The following ACKR3 variants were observed in gnomAD, a reference collection of about 807,000 sequenced individuals.
ACKR3 encodes the protein C-X-C chemokine receptor type 7.
A neutral mutation model predicts 22.4 loss-of-function variants in ACKR3; 6 were observed. The ratio of observed to expected loss-of-function variants is 0.27; its 90% CI spans 0.15 to 0.53. The LOEUF is 0.53. ACKR3 is among the 20% of genes least tolerant of loss of function. The pLI is 0.96. For synonymous variants in ACKR3, 209 were observed against 205.2 expected (o/e 1.02, Z -0.16); for missense variants, 396 against 475.2 (o/e 0.83, Z 1.55).
At chr2:236,544,190 A>T in the ACKR3 span, among the ~76,000 whole-genome samples, 1 of 151,518 alleles carries the variant, frequency 6.6e-6, no homozygotes, top group Non-Finnish European at 1.5e-5. This position sits in a 1 kb window ranked among gnomAD's most constrained non-coding sequence, Gnocchi z 5.0. Flanking sequence ...GGGTTTCACC[A>T]TATTGGCAAG....
intron 1 of ACKR3, among the ~76,000 whole-genome samples, chr2:236,575,254 T>C (rs543220652): frequency 1.3e-5 from 2 of 152,304 alleles, no homozygotes; most frequent in Admixed American, 1.3e-4. Flanking sequence ...TTTTGTTCCC[T>C]CCTCCTACCT....
At chr2:236,559,754 G>A in the ACKR3 span, among the ~76,000 whole-genome samples, 2 of 152,124 alleles carry the variant, frequency 1.3e-5, no homozygotes, top group African/African-American at 4.8e-5. Context: ...CCCACCTCTA[G>A]AGATGACTAT....
chr2:236,559,170 T>C, the ACKR3 span, among the ~76,000 whole-genome samples: 1 of 152,200 alleles, frequency 6.6e-6, no homozygotes, highest in Admixed American at 6.5e-5. Flanking sequence ...GAAAAATTCT[T>C]TTCTGTGTCA....
At chr2:236,565,861 T>C (rs568692934), upstream of ACKR3, among the ~76,000 whole-genome samples, 13 of 152,298 alleles carry the variant, frequency 8.5e-5, no homozygotes, top group African/African-American at 2.6e-4. Context: ...GGGCTTGGTG[T>C]TGCGGTTATT....
At chr2:236,545,682 G>A in the ACKR3 span, among the ~76,000 whole-genome samples, 5 of 152,192 alleles carry the variant, frequency 3.3e-5, no homozygotes, top group African/African-American at 1.2e-4. The surrounding 1 kb of genome is among the most constrained non-coding windows in gnomAD (Gnocchi z 5.3). Context: ...GAAACACTAC[G>A]ATTTCATGGT....
chr2:236,559,146 T>C, the ACKR3 span, among the ~76,000 whole-genome samples: 2 of 152,244 alleles, frequency 1.3e-5, no homozygotes, highest in Admixed American at 1.3e-4. Flanking sequence ...TTTCCTGGCC[T>C]TACTCAGAGA....
chr2:236,561,145 CGA>C, the ACKR3 span, among the ~76,000 whole-genome samples: 1 of 151,948 alleles, frequency 6.6e-6, no homozygotes, highest in African/African-American at 2.4e-5. Flanking sequence ...TTACTAGAGG[CGA>C]GAGTTTGGGG....
chr2:236,555,468 G>T, the ACKR3 span, among the ~76,000 whole-genome samples: 2 of 152,142 alleles, frequency 1.3e-5, no homozygotes, highest in Non-Finnish European at 2.9e-5. Context: ...TTGATCTAGG[G>T]AGTGACTCCT....
At chr2:236,550,476 C>A in the ACKR3 span, among the ~76,000 whole-genome samples, 1 of 152,182 alleles carries the variant, frequency 6.6e-6, no homozygotes, top group African/African-American at 2.4e-5. This position sits in a 1 kb window ranked among gnomAD's most constrained non-coding sequence, Gnocchi z 4.6. Flanking sequence ...GATGGCAGCA[C>A]CTTCTGAGGA....
At chr2:236,566,300 A>G (rs1691179014), upstream of ACKR3, among the ~76,000 whole-genome samples, 1 of 152,216 alleles carries the variant, frequency 6.6e-6, no homozygotes, top group Admixed American at 6.5e-5. Context: ...ATAAGCACTC[A>G]GGGGTAGCAA....
chr2:236,567,676 C>T (rs1691214003), upstream of ACKR3: 1 of 152,368 alleles, frequency 6.6e-6, no homozygotes, highest in Admixed American at 6.5e-5. Flanking sequence ...TCCCGACCCA[C>T]CCCGCCCCAT....
chr2:236,566,350 C>T (rs903121743), upstream of ACKR3, among the ~76,000 whole-genome samples: 1 of 152,204 alleles, frequency 6.6e-6, no homozygotes, highest in Admixed American at 6.5e-5. Flanking sequence ...GCTGGGACAG[C>T]GGTAGGGACA....
At chr2:236,556,109 C>T in the ACKR3 span, among the ~76,000 whole-genome samples, 1 of 151,952 alleles carries the variant, frequency 6.6e-6, no homozygotes, top group Non-Finnish European at 1.5e-5. Context: ...GAGTTAGAGT[C>T]CATGTGGGGT....
At chr2:236,571,448 G>A (rs1373642058) in intron 1 of ACKR3, among the ~76,000 whole-genome samples, 3 of 152,076 alleles carry the variant, frequency 2.0e-5, no homozygotes, top group Admixed American at 6.5e-5. Context: ...CATTGCAGAC[G>A]TAGTTTTAAA....
chr2:236,554,195 G>C, the ACKR3 span, among the ~76,000 whole-genome samples: 1 of 152,152 alleles, frequency 6.6e-6, no homozygotes, highest in Non-Finnish European at 1.5e-5. Context: ...TAACTTCGAG[G>C]GGTTATTAAC....
chr2:236,557,577 C>T, the ACKR3 span, among the ~76,000 whole-genome samples: 1 of 152,336 alleles, frequency 6.6e-6, no homozygotes, highest in East Asian at 1.9e-4. Context: ...CAACTAAATA[C>T]TGAGAGTAAT....
At chr2:236,541,575 T>C in the ACKR3 span, among the ~76,000 whole-genome samples, 1 of 152,226 alleles carries the variant, frequency 6.6e-6, no homozygotes, top group African/African-American at 2.4e-5. Flanking sequence ...AGCACAGACC[T>C]GCTGCTCCGT....
At position 236,577,954 on chromosome 2, in the gene ACKR3, C is replaced by T. The variant is rs576714511; in HGVS notation, c.-26-2486C>T. ...CCTCCATTCAAGCTCCTCTGCTCCC[C>T]GGGACTCTGGGGTCAGATGAGATCA... On this transcript the variant is annotated intron_variant, in intron 1 of 1. Coordinates refer to ENST00000272928, the MANE Select transcript of ACKR3 (RefSeq NM_020311.3). This position sits in a 1 kb window ranked among gnomAD's most constrained non-coding sequence, Gnocchi z 5.6. Among the ~76,000 whole-genome samples the T allele has an allele frequency of 1.4e-3, 219 of 152,298 alleles. No homozygotes were observed. The highest frequency in any genetic ancestry group is 4.5e-3 in the African/African-American group (185 of 41,564).
intron 1 of ACKR3, among the ~76,000 whole-genome samples, chr2:236,579,844 A>T (rs1251303501): frequency 6.6e-6 from 1 of 152,262 alleles, no homozygotes; most frequent in Non-Finnish European, 1.5e-5. Flanking sequence ...TTATGACTGC[A>T]CACTGGGGCC....
Sources: gnomAD v4.1 joint callset for allele counts (sites outside exome capture counted in the v4.1 genomes callset) on GRCh38, gnomAD v4.1.1 for gene constraint, Gnocchi (gnomAD v3.1) non-coding constraint, MANE v1.5 for transcripts, NCBI Gene and HGNC (gene_info 2026-07-23, HGNC 2026-07-21) for gene names.